Variants in KPNA1 observed in about 807,000 individuals in gnomAD.
The protein encoded by KPNA1 is karyopherin subunit alpha 1.
Under a neutral mutation model 70.5 loss-of-function variants are expected in KPNA1, and 10 were observed. That is an observed-to-expected ratio of 0.14 (90% confidence interval 0.09 to 0.24). KPNA1 has a LOEUF of 0.24. KPNA1 is among the 10% of genes least tolerant of loss of function. The pLI, the probability that KPNA1 is intolerant of heterozygous loss-of-function variation, is 1.00. For missense variants in KPNA1, 397 were observed against 637.9 expected, an observed-to-expected ratio of 0.62 and a Z score of 4.07; for synonymous variants, 192 against 221.9, an observed-to-expected ratio of 0.87 and a Z score of 1.20.
At chr3:122,431,992 C>T (rs1204829683) in intron 12 of KPNA1, among the ~76,000 whole-genome samples, 1 of 152,062 alleles carries the variant, frequency 6.6e-6, no homozygotes, top group East Asian at 1.9e-4. Flanking sequence ...TTAGTAGACA[C>T]GGGGTTTCAC....
chr3:122,512,573 A>C (rs2076967060), intron 1 of KPNA1, among the ~76,000 whole-genome samples: 1 of 152,084 alleles, frequency 6.6e-6, no homozygotes, highest in African/African-American at 2.4e-5. Flanking sequence ...AAATACAAAA[A>C]ATTAGCCGAG....
intron 12 of KPNA1, among the ~76,000 whole-genome samples, chr3:122,430,563 G>A (rs1282457102): frequency 1.9e-5 from 2 of 106,374 alleles, no homozygotes; most frequent in South Asian, 3.1e-4. Context: ...AATAAACTGT[G>A]TGTGTGTGTG....
intron 1 of KPNA1, among the ~76,000 whole-genome samples, chr3:122,508,029 G>A (rs1005651003): frequency 2.0e-5 from 3 of 151,954 alleles, no homozygotes; most frequent in African/African-American, 7.3e-5. Flanking sequence ...GGCACACAGT[G>A]GTCATTCAAA....
intron 4 of KPNA1, among the ~76,000 whole-genome samples, chr3:122,462,016 G>A (rs757729858): frequency 3.9e-5 from 6 of 152,106 alleles, no homozygotes; most frequent in South Asian, 2.1e-4. Context: ...TACCCAAGTC[G>A]ATGGCCTTAC....
At chr3:122,473,753 TA>T (rs2076468218) in intron 2 of KPNA1, among the ~76,000 whole-genome samples, 2 of 152,246 alleles carry the variant, frequency 1.3e-5, no homozygotes, top group African/African-American at 2.4e-5. Context: ...ACATCATACT[TA>T]AATGGTATGA....
chr3:122,436,778 T>C (rs547966134), intron 11 of KPNA1, among the ~76,000 whole-genome samples: 1 of 152,134 alleles, frequency 6.6e-6, no homozygotes, highest in Non-Finnish European at 1.5e-5. Flanking sequence ...GAAAACGATA[T>C]ACGTTTTATT....
intron 2 of KPNA1, among the ~76,000 whole-genome samples, chr3:122,469,609 CTTG>C (rs1462576898): frequency 1.3e-5 from 2 of 152,180 alleles, no homozygotes; most frequent in East Asian, 3.9e-4. Flanking sequence ...TCATCTGCAT[CTTG>C]TTATTGGGCC....
intron 1 of KPNA1, among the ~76,000 whole-genome samples, chr3:122,512,746 C>T (rs1015761122): frequency 5.9e-5 from 9 of 152,112 alleles, no homozygotes; most frequent in African/African-American, 2.2e-4. Context: ...ATAAAAAATA[C>T]CATAATGCAA....
At chr3:122,451,450 T>G (rs1049884623) in intron 8 of KPNA1, 84 bp downstream of exon 8, 2 of 684,532 alleles carry the variant, frequency 2.9e-6, no homozygotes, top group African/African-American at 1.8e-5. Context: ...TAACAAAAAT[T>G]ATCTTCCTGT....
chr3:122,474,989 G>A lies in KPNA1; in HGVS notation c.130-7560C>T, dbSNP rs189842115. ...TCTTGCCATCTTCACTCAATATGGTGTTGGAAGTCCTAGCCAGAGCAATTA... is the reference window on the plus strand; with the variant it reads ...TCTTGCCATCTTCACTCAATATGGTATTGGAAGTCCTAGCCAGAGCAATTA... On this transcript the variant is annotated intron_variant, in intron 2 of 13. Transcript: ENST00000344337. Among the ~76,000 whole-genome samples, 4 of 152,230 alleles carry A rather than the reference G, an allele frequency of 2.6e-5. No individual in the cohort carries two copies. The East Asian group carries it at 7.7e-4, about 29-fold the overall frequency.
rs760197668 is a variant in KPNA1, at chr3:122,463,916, AT to A, written c.337+25del. The A allele has an allele frequency of 1.7e-5, 23 of 1,317,004 alleles. No individual in the cohort carries two copies. In the African/African-American group the frequency reaches 2.1e-4, roughly 12 times the overall value. The allele number at this position is 1,317,004 out of a possible 1,614,324, so 81.6% of individuals were successfully genotyped here. ...AGTAATTTTGTAGAGAGATGAAAAAATATACTGAACATATTCATAGCTCACC... is the reference window on the plus strand; with the variant it reads ...AGTAATTTTGTAGAGAGATGAAAAAAATACTGAACATATTCATAGCTCACC... On this transcript the variant is annotated intron_variant, in intron 4 of 13. Transcript: ENST00000344337.
At chr3:122,484,386 C>G (rs1421723465) in intron 2 of KPNA1, among the ~76,000 whole-genome samples, 2 of 152,160 alleles carry the variant, frequency 1.3e-5, no homozygotes, top group Non-Finnish European at 2.9e-5. Context: ...CATGACCGGG[C>G]ACAGTGGCTC....
chr3:122,479,645 A>G (rs1409436367), intron 2 of KPNA1, among the ~76,000 whole-genome samples: 1 of 152,156 alleles, frequency 6.6e-6, no homozygotes, highest in African/African-American at 2.4e-5. Flanking sequence ...CTGTAATCCC[A>G]GCTACTCGGG....
chr3:122,463,489 A>G (rs1477884398), intron 4 of KPNA1, among the ~76,000 whole-genome samples: 1 of 148,566 alleles, frequency 6.7e-6, no homozygotes, highest in African/African-American at 2.5e-5. Flanking sequence ...CCCAGCCTGC[A>G]CTCCAGACTG....
At chr3:122,465,765 A>G (rs942981731) in intron 3 of KPNA1, among the ~76,000 whole-genome samples, 2 of 152,226 alleles carry the variant, frequency 1.3e-5, no homozygotes, top group East Asian at 3.8e-4. Flanking sequence ...AGCTGGGGGT[A>G]GTGGCGCACG....
intron 1 of KPNA1, among the ~76,000 whole-genome samples, chr3:122,506,917 T>C (rs1016139336): frequency 5.9e-5 from 9 of 152,174 alleles, no homozygotes. Context: ...TTTTAGAATG[T>C]ACATAAAGGA....
chr3:122,483,592 G>A (rs546728154), intron 2 of KPNA1, among the ~76,000 whole-genome samples: 21 of 152,078 alleles, frequency 1.4e-4, no homozygotes, highest in Non-Finnish European at 2.8e-4. Context: ...TGATCCACCC[G>A]CCTCAGCCTC....
chr3:122,483,345 T>TG (rs2076592853), intron 2 of KPNA1: 2 of 154,328 alleles, frequency 1.3e-5, no homozygotes, highest in Admixed American at 6.6e-5. Context: ...TTGTTGTTGT[T>TG]TTGTTTTGTT....
intron 6 of KPNA1, among the ~76,000 whole-genome samples, chr3:122,453,298 C>T (rs748180959): frequency 6.6e-6 from 1 of 152,152 alleles, no homozygotes; most frequent in Non-Finnish European, 1.5e-5. Flanking sequence ...TAACTGCTTA[C>T]ATGGTCTAAA....
Sources: gnomAD v4.1 joint callset for allele counts (sites outside exome capture counted in the v4.1 genomes callset) on GRCh38, gnomAD v4.1.1 for gene constraint, MANE v1.5 for transcripts, NCBI Gene and HGNC (gene_info 2026-07-23, HGNC 2026-07-21) for gene names.